Variants in ACOX1 observed in about 807,000 individuals in gnomAD.
The protein encoded by ACOX1 is peroxisomal acyl-coenzyme A oxidase 1.
A neutral mutation model predicts 75.5 loss-of-function variants in ACOX1; 41 were observed. The observed-to-expected ratio is 0.54, with a 90% CI of 0.42 to 0.70. The LOEUF is 0.70. Ranked by LOEUF, ACOX1 falls within the 30% of genes least tolerant of loss-of-function variation. The pLI is 0.00. For synonymous variants in ACOX1, 303 were observed against 298.8 expected, an observed-to-expected ratio of 1.01 and a Z score of -0.15; for missense variants, 630 against 837.5, an observed-to-expected ratio of 0.75 and a Z score of 3.06.
At chr17:75,949,919 G>A (rs1339687142) in intron 9 of ACOX1, 22 bp from the exon 10 acceptor site, 3 of 1,613,430 alleles carry the variant, frequency 1.9e-6, no homozygotes, top group Non-Finnish European at 2.5e-6. Context: ...CAGTAAACAT[G>A]CTTTTAGTAA....
rs1397533330 is a variant in ACOX1, at chr17:75,948,398, G to A, written c.1788C>T (p.Leu596=). Reference sequence around the variant, plus strand: ...CAACAGCATCTGAGCGAATCAGAGTGAGTAACTCCTTTACACGCTGGTTTA... The same window carrying A: ...CAACAGCATCTGAGCGAATCAGAGTAAGTAACTCCTTTACACGCTGGTTTA... ...TQVNQRVKEL[L]TLIRSDAVAL... Residue 596 remains leucine, a synonymous_variant, in exon 13 of 14, where the codon CTC becomes CTT. Coordinates refer to ENST00000293217, the MANE Select transcript of ACOX1 (RefSeq NM_004035.7). The A allele has an allele frequency of 1.9e-6, 3 of 1,614,156 alleles. No homozygotes were observed. Among genetic ancestry groups the A allele is most frequent in the East Asian group, 2.2e-5 (1 of 44,884 alleles).
In ACOX1 at chr17:75,956,731, CTTTTTTTT is replaced by C. The variant is rs962992538; in HGVS notation, c.538+720_538+727del. Among the ~76,000 whole-genome samples the C allele has an allele frequency of 1.1e-4, 15 of 138,452 alleles. No individual in the cohort carries two copies. The South Asian group carries it at 1.4e-3, about 13-fold the overall frequency. 90.8% of individuals were successfully genotyped at this position (138,452 alleles called of 152,430 possible). On this transcript the variant is annotated intron_variant, in intron 4 of 13. Coordinates refer to ENST00000293217, the MANE Select transcript of ACOX1 (RefSeq NM_004035.7). ...GTGTTAAAACTATTTAAATTTTTTT[CTTTTTTTT>C]TTTTAAGAGACAGGGTTTCACTCTG... is the stretch of plus-strand genomic sequence containing the variant.
intron 6 of ACOX1, among the ~76,000 whole-genome samples, chr17:75,955,218 G>A (rs1211617525): frequency 2.0e-5 from 3 of 151,546 alleles, no homozygotes; most frequent in South Asian, 2.1e-4. Flanking sequence ...GCTGGAGTAC[G>A]GTGGCATAAT....
At chr17:75,975,504 C>CA (rs1251844558) in intron 2 of ACOX1, among the ~76,000 whole-genome samples, 1 of 152,152 alleles carries the variant, frequency 6.6e-6, no homozygotes, top group Non-Finnish European at 1.5e-5. Flanking sequence ...CACTTAGAAA[C>CA]AAAAAACTCT....
chr17:75,958,048 A>G (rs1011985773), intron 3 of ACOX1, among the ~76,000 whole-genome samples: 8 of 152,162 alleles, frequency 5.3e-5, no homozygotes, highest in African/African-American at 1.9e-4. Context: ...ATTTCAGCCA[A>G]AATTCGTATA....
Position 75,953,474 on chromosome 17 carries a change from C to T in ACOX1, c.921G>A (p.Arg307=), listed in dbSNP as rs79677613. The change falls in exon 7 of 14, where the codon AGG becomes AGA. Residue 307 remains arginine, a synonymous_variant. Coordinates refer to ENST00000293217, the MANE Select transcript of ACOX1 (RefSeq NM_004035.7). ...ACCCTGGCTTGATTTCAGACTGGTG[C>T]CTCACAGCGCTGTATCGGATGGCAA... is the stretch of plus-strand genomic sequence containing the variant. ...CTIAIRYSAV[R]HQSEIKPGEP... is the part of the protein sequence containing the mutation. The T allele has an allele frequency of 0.013, 20,403 of 1,613,988 alleles. 164 individuals carry two copies. Among genetic ancestry groups the T allele is most frequent in the Non-Finnish European group, 0.015 (17,843 of 1,179,910 alleles).
chr17:75,970,974 C>T (rs1015052417), intron 2 of ACOX1, among the ~76,000 whole-genome samples: 1 of 152,220 alleles, frequency 6.6e-6, no homozygotes, highest in African/African-American at 2.4e-5. Flanking sequence ...GAGATTAAGA[C>T]AACGTTGGTT....
intron 3 of ACOX1, among the ~76,000 whole-genome samples, chr17:75,959,886 A>C (rs1024785726): frequency 1.2e-4 from 18 of 152,226 alleles, no homozygotes; most frequent in Admixed American, 3.9e-4. Flanking sequence ...AATGAAGAAA[A>C]AAACAGCTTC....
rs2065703839 is a variant in ACOX1 at position 75,944,678 on chromosome 17, T to TA, written c.*2069_*2070insT. The TA allele has an allele frequency of 6.6e-6, 1 of 152,242 alleles. No individual in the cohort carries two copies. Among genetic ancestry groups the TA allele is most frequent in the Admixed American group, 6.5e-5 (1 of 15,268 alleles). 9.4% of individuals were successfully genotyped at this position (152,242 alleles called of 1,614,324 possible). On this transcript the variant is annotated 3_prime_UTR_variant, in exon 14 of 14. Coordinates refer to ENST00000293217, the MANE Select transcript of ACOX1 (RefSeq NM_004035.7). ...ACGTTTACTCTATCTTTATTCTTGA[T>TA]TATATTGAATAAAGTTCAAGACAGA...
chr17:75,953,346 T>C, intron 7 of ACOX1, 105 bp downstream of exon 7: 1 of 1,319,778 alleles, frequency 7.6e-7, no homozygotes, highest in Non-Finnish European at 1.1e-6. Context: ...TAGCCAATTT[T>C]GCAGTGCTAA....
At position 75,970,045 on chromosome 17, in the gene ACOX1, T is replaced by C. The variant is rs145315922; in HGVS notation, c.269+8489A>G. The stretch of plus-strand genomic sequence containing the variant: ...ACTAAAAATATAAATATTAGCCAGG[T>C]ATGGTGGTGCACACCTGTGATCCCA... On this transcript the variant is annotated intron_variant, in intron 2 of 13. Transcript: ENST00000293217. 1.2e-3 allele frequency among the ~76,000 whole-genome samples: 181 copies of C among 151,512 alleles called. 1 individual carries two copies. The highest frequency in any genetic ancestry group is 4.2e-3 in the African/African-American group (175 of 41,254).
intron 2 of ACOX1, chr17:75,973,912 T>C: frequency 2.2e-6 from 2 of 911,792 alleles, no homozygotes; most frequent in Non-Finnish European, 3.4e-6. Context: ...TCTTATGAAA[T>C]TAAATATAAG....
At chr17:75,966,698 G>A (rs541625140) in intron 2 of ACOX1, among the ~76,000 whole-genome samples, 3 of 152,034 alleles carry the variant, frequency 2.0e-5, no homozygotes, top group Non-Finnish European at 4.4e-5. Context: ...AGCTACTGGG[G>A]AGGCTGAGGT....
At position 75,973,896 on chromosome 17, in the gene ACOX1, C is replaced by A. The variant is rs1245678333; in HGVS notation, c.269+4638G>T. 4 of 1,046,842 alleles carry A rather than the reference C, an allele frequency of 3.8e-6. 1 individual carries two copies. In the South Asian group the frequency reaches 4.4e-5, roughly 12 times the overall value. 64.8% of individuals were successfully genotyped at this position (1,046,842 alleles called of 1,614,324 possible). ...AAGGAGAAGGTCAGGAAAATGTAAA[C>A]CCCCTTCTTATGAAATTAAATATAA... On this transcript the variant is annotated intron_variant, in intron 2 of 13. Transcript: ENST00000293217.
chr17:75,964,430 T>G (rs1043144255), intron 2 of ACOX1, among the ~76,000 whole-genome samples: 2 of 152,088 alleles, frequency 1.3e-5, no homozygotes, highest in African/African-American at 4.8e-5. Flanking sequence ...CAATTCCTGG[T>G]GAAGGAAAGG....
intron 2 of ACOX1, among the ~76,000 whole-genome samples, chr17:75,963,559 T>C (rs1336166716): frequency 2.0e-5 from 3 of 151,386 alleles, no homozygotes; most frequent in Non-Finnish European, 4.4e-5. Flanking sequence ...ATTAGCCAGG[T>C]GTGGCAGCGC....
At chr17:75,948,045 T>C (rs1176459827) in intron 13 of ACOX1, among the ~76,000 whole-genome samples, 2 of 152,116 alleles carry the variant, frequency 1.3e-5, no homozygotes, top group Non-Finnish European at 2.9e-5. Context: ...GTTCAATTCG[T>C]TATCAAAAAT....
chr17:75,949,401 A>G (rs2065752554), intron 11 of ACOX1, 41 bp from the exon 12 acceptor site: 1 of 1,613,714 alleles, frequency 6.2e-7, no homozygotes, highest in Non-Finnish European at 8.5e-7. Context: ...AGAACCTTGG[A>G]AAAAGATTCA....
intron 2 of ACOX1, among the ~76,000 whole-genome samples, chr17:75,961,025 G>C (rs559954314): frequency 1.3e-5 from 2 of 151,732 alleles, no homozygotes; most frequent in South Asian, 4.2e-4. Context: ...AGGTGCAGTG[G>C]CTCCCACCTA....
Sources: gnomAD v4.1 joint callset for allele counts (sites outside exome capture counted in the v4.1 genomes callset) on GRCh38, gnomAD v4.1.1 for gene constraint, MANE v1.5 for transcripts, NCBI Gene and HGNC (gene_info 2026-07-23, HGNC 2026-07-21) for gene names.